Variants in TMEM130 observed in about 807,000 individuals in gnomAD.
The protein encoded by TMEM130 is transmembrane protein 130.
A neutral mutation model predicts 42.9 loss-of-function variants in TMEM130; 37 were observed. The ratio of observed to expected loss-of-function variants is 0.86; its 90% CI spans 0.66 to 1.13. The LOEUF (loss-of-function observed/expected upper bound fraction) is 1.13. TMEM130 is among the 50% of genes most tolerant of loss of function. The probability of loss-of-function intolerance (pLI) is 0.00; values close to 1 mark genes in which losing one functional copy is unlikely to be tolerated. For synonymous variants in TMEM130, 259 were observed against 237.7 expected, an observed-to-expected ratio of 1.09 and a Z score of -0.82; for missense variants, 545 against 562.6, an observed-to-expected ratio of 0.97 and a Z score of 0.32.
chr7:98,856,319 C>T, intron 3 of TMEM130, 136 bp from the exon 4 acceptor site: 1 of 815,592 alleles, frequency 1.2e-6, no homozygotes, highest in Non-Finnish European at 1.9e-6. Flanking sequence ...CCAGTGAGCA[C>T]ACCTGTCATC....
intron 2 of TMEM130, among the ~76,000 whole-genome samples, chr7:98,862,738 G>A (rs1221400008): frequency 1.3e-5 from 2 of 152,220 alleles, no homozygotes; most frequent in African/African-American, 2.4e-5. Flanking sequence ...GATCTCAGGC[G>A]ATCCACCTGC....
chr7:98,855,290 G>C lies in TMEM130; in HGVS notation c.753C>G (p.Thr251=), dbSNP rs1378837562. The C allele has an allele frequency of 6.2e-7, 1 of 1,613,278 alleles. No individual in the cohort carries two copies. Among genetic ancestry groups the C allele is most frequent in the African/African-American group, 1.3e-5 (1 of 74,922 alleles). Residue 251 remains threonine (T), a synonymous_variant, in exon 5 of 8, where the codon ACC becomes ACG. Transcript: ENST00000339375. ...TCATCTTTTGGAAGGTCTGAATTAGGGTGGGCCCCAACACTTGGATGCCTC... is the reference window on the plus strand; with the variant it reads ...TCATCTTTTGGAAGGTCTGAATTAGCGTGGGCCCCAACACTTGGATGCCTC... ...TLRGIQVLGP[T]LIQTFQKMTV...
At chr7:98,852,360 C>A (rs953768949) in intron 5 of TMEM130, among the ~76,000 whole-genome samples, 1 of 152,030 alleles carries the variant, frequency 6.6e-6, no homozygotes, top group Non-Finnish European at 1.5e-5. Flanking sequence ...AAACTCCTGA[C>A]CTCAGGTGAC....
chr7:98,850,231 T>G (rs1316742532), intron 6 of TMEM130, among the ~76,000 whole-genome samples: 1 of 132,606 alleles, frequency 7.5e-6, no homozygotes, highest in Non-Finnish European at 1.6e-5. Context: ...TCAATCCCTC[T>G]CTCTCTCTCT....
Position 98,851,454 on chromosome 7 carries a change from G to A in TMEM130, c.973C>T (p.His325Tyr). The A allele has an allele frequency of 6.2e-7, 1 of 1,614,112 alleles. No individual in the cohort carries two copies. Among genetic ancestry groups the A allele is most frequent in the East Asian group, 2.2e-5 (1 of 44,864 alleles). ...CACACCTGGATCTTGTGGTACTGATGTGTCTTGCTGATGATATTCTCGGCC... is the reference window on the plus strand; with the variant it reads ...CACACCTGGATCTTGTGGTACTGATATGTCTTGCTGATGATATTCTCGGCC... ...IRAENIISKT[H>Y]QYHKIQVWPS... is the part of the protein sequence containing the mutation. The change falls in exon 6 of 8, where the codon CAT (histidine) becomes TAT (tyrosine). Residue 325 changes from histidine (H) to tyrosine (Y), a missense_variant. Physicochemically the swap from His to Tyr is moderately conservative, Grantham distance 83. Coordinates refer to ENST00000339375, the MANE Select transcript of TMEM130 (RefSeq NM_152913.3).
chr7:98,866,839 C>A (rs1032497914), intron 1 of TMEM130: 6 of 152,146 alleles, frequency 3.9e-5, no homozygotes, highest in Admixed American at 3.9e-4. Context: ...TCAGCTCACA[C>A]CTGTAATCAC....
intron 1 of TMEM130, chr7:98,866,167 CG>C (rs1178293861): frequency 2.6e-5 from 4 of 152,224 alleles, no homozygotes; most frequent in African/African-American, 9.7e-5. Flanking sequence ...CAAAATTAGC[CG>C]GGTGTGGTGG....
intron 7 of TMEM130, 150 bp from the exon 8 acceptor site, chr7:98,848,358 C>T (rs1554397712): frequency 1.1e-6 from 1 of 912,358 alleles, no homozygotes; most frequent in African/African-American, 1.7e-5. Context: ...TTTCTGGCAC[C>T]ACACAGATGC....
At position 98,848,002 on chromosome 7, in the gene TMEM130, A is replaced by C; in HGVS notation, c.*54T>G. On this transcript the variant is annotated 3_prime_UTR_variant, in exon 8 of 8. Coordinates refer to ENST00000339375, the MANE Select transcript of TMEM130 (RefSeq NM_152913.3). ...TCAGTGGTGCACACCACCCTGCTGG[A>C]AACTCCAAGTCAGCAGTCAGTTAAC... 10 of 1,555,010 alleles carry C rather than the reference A, an allele frequency of 6.4e-6. No homozygotes were observed. Among genetic ancestry groups the C allele is most frequent in the Non-Finnish European group, 8.8e-6 (10 of 1,140,788 alleles).
intron 2 of TMEM130, among the ~76,000 whole-genome samples, chr7:98,862,043 T>G (rs1554399842): frequency 6.6e-6 from 1 of 152,234 alleles, no homozygotes; most frequent in Non-Finnish European, 1.5e-5. Flanking sequence ...TTTATTATAT[T>G]TAGCCAATCT....
At chr7:98,857,110 C>T (rs569825764) in intron 3 of TMEM130, among the ~76,000 whole-genome samples, 12 of 151,958 alleles carry the variant, frequency 7.9e-5, no homozygotes, top group South Asian at 6.3e-4. Context: ...TTTGTAGAGA[C>T]GAGGTATCAC....
In TMEM130 at chr7:98,863,087, A is replaced by G. The variant is rs1218247608; in HGVS notation, c.391+8T>C. ...GAAGGCAAACTAGCAAATGGGAGCG[A>G]CCCTCACCTGTGATGGGGAGGACCA... On this transcript the variant is annotated splice_region_variant and intron_variant, in intron 2 of 7. Transcript: ENST00000339375. The G allele has an allele frequency of 6.2e-7, 1 of 1,607,840 alleles. No individual in the cohort carries two copies. The highest frequency in any genetic ancestry group is 1.3e-5 in the African/African-American group (1 of 74,758).
At chr7:98,860,133 G>A in intron 3 of TMEM130, 46 bp downstream of exon 3, 1 of 1,586,798 alleles carries the variant, frequency 6.3e-7, no homozygotes, top group Non-Finnish European at 8.6e-7. Context: ...CGGGACAGTG[G>A]GGCACCAGTG....
chr7:98,848,135 G>A lies in TMEM130; in HGVS notation c.1193C>T (p.Ser398Phe). Residue 398 changes from serine to phenylalanine, a missense_variant, in exon 8 of 8, where the codon TCT becomes TTT. Coordinates refer to ENST00000339375, the MANE Select transcript of TMEM130 (RefSeq NM_152913.3). The stretch of plus-strand genomic sequence containing the variant: ...CTCACGAACAATTTCCAGGTACTCA[G>A]ATGGAGTCTCCAGCAAGAAAGGCCC... ...CCGPFLLETP[S>F]EYLEIVRENH... 1 of 1,614,162 alleles carries A rather than the reference G, an allele frequency of 6.2e-7. No homozygotes were observed. The highest frequency in any genetic ancestry group is 8.5e-7 in the Non-Finnish European group (1 of 1,180,030).
In TMEM130 at chr7:98,860,268, C is replaced by T; in HGVS notation, c.462G>A (p.Lys154=). ...GGAGGAAGGAGACTTTCAGGACGGT[C>T]TTAGTGAGATAGGAGCTGGGCCAGG... is the stretch of plus-strand genomic sequence containing the variant. The part of the protein sequence containing the change: ...SLPWPSSYLT[K]TVLKVSFLLH... The change falls in exon 3 of 8, where the codon AAG becomes AAA. Residue 154 remains lysine, a synonymous_variant. Coordinates refer to ENST00000339375, the MANE Select transcript of TMEM130 (RefSeq NM_152913.3). 1 of 1,613,456 alleles carries T rather than the reference C, an allele frequency of 6.2e-7. No individual in the cohort carries two copies. Among genetic ancestry groups the T allele is most frequent in the South Asian group, 1.1e-5 (1 of 90,980 alleles).
intron 5 of TMEM130, among the ~76,000 whole-genome samples, chr7:98,854,077 G>A (rs1301078104): frequency 1.1e-4 from 16 of 139,680 alleles, no homozygotes; most frequent in African/African-American, 2.4e-4. Flanking sequence ...TTGCTCTGTC[G>A]CCCAGGCTGG....
chr7:98,860,023 G>A (rs1794725483), intron 3 of TMEM130, among the ~76,000 whole-genome samples, 156 bp downstream of exon 3: 1 of 151,382 alleles, frequency 6.6e-6, no homozygotes, highest in Non-Finnish European at 1.5e-5. Context: ...GAGCCAAGAT[G>A]GTACTACTGC....
chr7:98,859,382 G>A (rs1248141572), intron 3 of TMEM130, among the ~76,000 whole-genome samples: 1 of 151,704 alleles, frequency 6.6e-6, no homozygotes, highest in Non-Finnish European at 1.5e-5. Flanking sequence ...TACCCTTCGA[G>A]GTCAAATGGG....
chr7:98,855,556 C>G (rs1427774246), intron 4 of TMEM130, among the ~76,000 whole-genome samples: 6 of 152,236 alleles, frequency 3.9e-5, no homozygotes, highest in Admixed American at 3.3e-4. Context: ...CACAATTGTC[C>G]TGCCCATTGC....
Sources: allele counts gnomAD v4.1 joint callset (sites outside exome capture counted in the v4.1 genomes callset), GRCh38; gene constraint gnomAD v4.1.1; transcripts MANE v1.5; gene names NCBI Gene and HGNC (gene_info 2026-07-23, HGNC 2026-07-21).